RAB3IP: variants seen among roughly 807,000 people sequenced by gnomAD.
RAB3IP encodes rab-3A-interacting protein.
In RAB3IP, 36 loss-of-function variants were observed where a neutral mutation model predicts 59.1. The ratio of observed to expected loss-of-function variants is 0.61; its 90% confidence interval spans 0.47 to 0.80. The LOEUF is 0.80. RAB3IP is among the 30% of genes least tolerant of loss of function. The pLI, the probability that RAB3IP is intolerant of heterozygous loss-of-function variation, is 0.00. For missense variants in RAB3IP, 511 were observed against 536.0 expected, an observed-to-expected ratio of 0.95 and a Z score of 0.46; for synonymous variants, 207 against 191.2, an observed-to-expected ratio of 1.08 and a Z score of -0.68.
At position 69,804,208 on chromosome 12, in the gene RAB3IP, G is replaced by A. The variant is rs1437275723; in HGVS notation, c.1130+2487G>A. Among the ~76,000 whole-genome samples the A allele has an allele frequency of 2.6e-5, 4 of 152,286 alleles. No homozygotes were observed. The East Asian group carries it at 5.8e-4, about 22-fold the overall frequency. On this transcript the variant is annotated intron_variant, in intron 8 of 10. Transcript: ENST00000247833. ...TCGCCATTCTAACTGGTGTGAGATG[G>A]TATCTCATTTTGGTTTTGATTTGCA...
chr12:69,813,606 A>C (rs73333820), intron 10 of RAB3IP, among the ~76,000 whole-genome samples: 5 of 152,146 alleles, frequency 3.3e-5, no homozygotes, highest in Admixed American at 3.3e-4. Flanking sequence ...TTTTAATACA[A>C]TTTTATAGCT....
At position 69,756,392 on chromosome 12, in the gene RAB3IP, C is replaced by T; in HGVS notation, c.252-13C>T. On this transcript the variant is annotated splice_polypyrimidine_tract_variant and intron_variant, in intron 2 of 10. Coordinates refer to ENST00000247833, the MANE Select transcript of RAB3IP (RefSeq NM_022456.5). ...TGCTGATATTTTCTGAAAAATGTCT[C>T]TCTCCTTTACAGCTTTCATGTTACA... The T allele has an allele frequency of 6.2e-7, 1 of 1,610,432 alleles. No individual in the cohort carries two copies. Among genetic ancestry groups the T allele is most frequent in the Non-Finnish European group, 8.5e-7 (1 of 1,178,686 alleles).
In RAB3IP at chr12:69,755,467, C is replaced by A. The variant is rs760203794; in HGVS notation, c.59C>A (p.Pro20Gln). ...HEVNLASPTS[P>Q]DLLGVYESGT... ...GTAAACCTTGCTTCACCTACTTCTC[C>A]GGACCTTCTTGGTGTGTATGAATCA... Residue 20 changes from proline to glutamine, a missense_variant, in exon 2 of 11, where the codon CCG becomes CAG. Physicochemically the swap from Pro to Gln is moderately conservative, Grantham distance 76. Coordinates refer to ENST00000247833, the MANE Select transcript of RAB3IP (RefSeq NM_022456.5). The A allele has an allele frequency of 8.1e-6, 13 of 1,613,938 alleles. No individual in the cohort carries two copies. In the East Asian group the frequency reaches 2.5e-4, roughly 30 times the overall value.
chr12:69,785,586 A>G (rs1875510844), intron 4 of RAB3IP, among the ~76,000 whole-genome samples: 1 of 152,192 alleles, frequency 6.6e-6, no homozygotes, highest in African/African-American at 2.4e-5. Context: ...GTCTGAAGGC[A>G]GAAAAAAAAT....
In RAB3IP at chr12:69,767,018, G is replaced by A. The variant is rs184181438; in HGVS notation, c.510+10355G>A. 1.8e-4 allele frequency among the ~76,000 whole-genome samples: 28 copies of A among 152,270 alleles called. No individual in the cohort carries two copies. The East Asian group carries it at 2.7e-3, about 15-fold the overall frequency. On this transcript the variant is annotated intron_variant, in intron 3 of 10. Coordinates refer to ENST00000247833, the MANE Select transcript of RAB3IP (RefSeq NM_022456.5). ...TAAGAACTGTTGCTGGAGAGCTAGT[G>A]CTATCCCTTGGTGGTGTTACTACAT...
chr12:69,739,872 A>G, intron 1 of RAB3IP: 1 of 1,613,842 alleles, frequency 6.2e-7, no homozygotes, highest in Non-Finnish European at 8.5e-7. Flanking sequence ...ATGAAAGGGT[A>G]AGGTCTTGAA....
intron 3 of RAB3IP, among the ~76,000 whole-genome samples, chr12:69,771,051 T>C (rs1873025855): frequency 1.3e-5 from 2 of 152,212 alleles, no homozygotes; most frequent in Admixed American, 6.5e-5. Context: ...TATTCTCTGC[T>C]CTACTTCTAT....
chr12:69,771,527 C>CAA (rs34718968), intron 3 of RAB3IP, among the ~76,000 whole-genome samples: 364 of 135,418 alleles, frequency 2.7e-3, no homozygotes, highest in African/African-American at 4.2e-3. Flanking sequence ...ACCCTGTCTC[C>CAA]AAAAAAAAAA....
rs769696238 is a variant in RAB3IP at position 69,801,679 on chromosome 12, T to C, written c.1088T>C (p.Ile363Thr). 13 of 1,612,942 alleles carry C rather than the reference T, an allele frequency of 8.1e-6. No homozygotes were observed. Among genetic ancestry groups the C allele is most frequent in the Non-Finnish European group, 9.3e-6 (11 of 1,179,366 alleles). The change falls in exon 8 of 11, where the codon ATC (isoleucine) becomes ACC (threonine). Residue 363 changes from isoleucine to threonine, a missense_variant. By Grantham distance (89) the Ile-to-Thr change is moderately conservative. Transcript: ENST00000247833. ...ATTGAACCAGTGGGATTACAACCTA[T>C]CCGGTTTGTGAAAGCTTCTGCAGTT... ...LSIEPVGLQP[I>T]RFVKASAVEC...
chr12:69,795,690 AAT>A lies in RAB3IP; in HGVS notation c.888+349_888+350del, dbSNP rs562262706. The A allele has an allele frequency of 7.9e-5, 29 of 368,904 alleles. No homozygotes were observed. In the South Asian group the frequency reaches 3.0e-3, roughly 39 times the overall value. 22.9% of individuals were successfully genotyped at this position (368,904 alleles called of 1,614,324 possible). Reference sequence around the variant, plus strand: ...GCGCTTACAAAGTATGGATATAAGAAATATGTGAAAATAAGATGATTTTCTTA... The same window carrying A: ...GCGCTTACAAAGTATGGATATAAGAAATGTGAAAATAAGATGATTTTCTTA... On this transcript the variant is annotated intron_variant, in intron 6 of 10. Transcript: ENST00000247833.
intron 4 of RAB3IP, among the ~76,000 whole-genome samples, chr12:69,786,670 A>T (rs1280351395): frequency 6.6e-6 from 1 of 152,186 alleles, no homozygotes; most frequent in Non-Finnish European, 1.5e-5. Context: ...TAATTTAGCT[A>T]GCCCTGCTTA....
In RAB3IP at chr12:69,812,791, A is replaced by C. The variant is rs1880632180; in HGVS notation, c.1144A>C (p.Thr382Pro). 1.9e-6 allele frequency: 3 copies of C among 1,606,020 alleles called. No individual in the cohort carries two copies. The highest frequency in any genetic ancestry group is 1.7e-6 in the Non-Finnish European group (2 of 1,175,234). The change falls in exon 9 of 11, where the codon ACT becomes CCT. Residue 382 changes from threonine (T) to proline (P), a missense_variant. Thr to Pro is a conservative substitution (Grantham distance 38). Coordinates refer to ENST00000247833, the MANE Select transcript of RAB3IP (RefSeq NM_022456.5). ...ECGGPKKCAL[T>P]GQSKSCKHRI... Reference sequence around the variant, plus strand: ...ATTATTTCACAGAAAATGTGCTCTCACTGGCCAGAGTAAGTCCTGTAAACA... The same window carrying C: ...ATTATTTCACAGAAAATGTGCTCTCCCTGGCCAGAGTAAGTCCTGTAAACA...
chr12:69,785,051 A>C, intron 4 of RAB3IP: 1 of 266,056 alleles, frequency 3.8e-6, no homozygotes, highest in South Asian at 7.9e-5. Context: ...TATGTGTGCA[A>C]AGAAAGGAGG....
intron 3 of RAB3IP, among the ~76,000 whole-genome samples, chr12:69,767,507 G>A (rs1263116412): frequency 1.3e-5 from 2 of 152,248 alleles, no homozygotes; most frequent in Admixed American, 6.5e-5. Context: ...AGTGCTGACG[G>A]TGAATCCAAT....
chr12:69,820,697 A>T lies in RAB3IP; in HGVS notation c.*5251A>T, dbSNP rs1881625697. 6.6e-6 allele frequency: 1 copy of T among 152,044 alleles called. No homozygotes were observed. The highest frequency in any genetic ancestry group is 2.4e-5 in the African/African-American group (1 of 41,388). The allele number at this position is 152,044 out of a possible 1,614,324, so 9.4% of individuals were successfully genotyped here. A position where few individuals can be genotyped will look rare whatever the true frequency, so the allele number is the denominator to read the frequency against. On this transcript the variant is annotated 3_prime_UTR_variant, in exon 11 of 11. Transcript: ENST00000247833. ...AACATGGAGAAACCCTGTCTCTACT[A>T]AAAACACAAAATTAGTCAGGTGTGA...
At chr12:69,795,373 C>G in intron 6 of RAB3IP, 29 bp downstream of exon 6, 1 of 1,551,224 alleles carries the variant, frequency 6.4e-7, no homozygotes, top group South Asian at 1.1e-5. Flanking sequence ...TCCCCTCTGA[C>G]TCTGTTGATA....
At chr12:69,765,235 T>A (rs1592496437) in intron 3 of RAB3IP, among the ~76,000 whole-genome samples, 1 of 152,298 alleles carries the variant, frequency 6.6e-6, no homozygotes, top group East Asian at 1.9e-4. Context: ...GGGGAAGCCT[T>A]CCAATTTTTG....
chr12:69,787,084 T>G (rs1875802064), intron 4 of RAB3IP, among the ~76,000 whole-genome samples: 1 of 152,172 alleles, frequency 6.6e-6, no homozygotes, highest in Admixed American at 6.5e-5. Flanking sequence ...ATGTGTGTGT[T>G]TGCATATCTT....
chr12:69,761,182 G>A (rs1185355125), intron 3 of RAB3IP, among the ~76,000 whole-genome samples: 1 of 152,050 alleles, frequency 6.6e-6, no homozygotes, highest in East Asian at 1.9e-4. Context: ...TATCTAATCT[G>A]TTAATCCCAT....
Sources: allele counts gnomAD v4.1 joint callset (sites outside exome capture counted in the v4.1 genomes callset), GRCh38; gene constraint gnomAD v4.1.1; transcripts MANE v1.5; gene names NCBI Gene and HGNC (gene_info 2026-07-23, HGNC 2026-07-21).